Variants in IQCE observed in about 807,000 individuals in gnomAD.
IQCE encodes the protein IQ motif containing E, also known as IQ domain-containing protein E.
In IQCE, 115 loss-of-function variants were observed where a neutral mutation model predicts 96.0. The observed-to-expected ratio is 1.20, with a 90% CI of 1.03 to 1.40. The LOEUF (loss-of-function observed/expected upper bound fraction) is 1.40. Ranked by LOEUF, IQCE falls within the 40% of genes most tolerant of loss-of-function variation. The pLI, the probability that IQCE is intolerant of heterozygous loss-of-function variation, is 0.00. For synonymous variants in IQCE, 412 were observed against 371.2 expected (o/e 1.11, Z -1.26); for missense variants, 1,041 against 909.1 (o/e 1.15, Z -1.87).
chr7:2,604,140 G>A (rs879824090), intron 18 of IQCE, among the ~76,000 whole-genome samples: 138 of 139,126 alleles, frequency 9.9e-4, no homozygotes, highest in Middle Eastern at 7.3e-3. Flanking sequence ...AGGCATGCGC[G>A]CCACGTCTGG....
At chr7:2,582,255 TTAATA>T (rs1323563736) in intron 8 of IQCE, among the ~76,000 whole-genome samples, 1 of 152,106 alleles carries the variant, frequency 6.6e-6, no homozygotes, top group East Asian at 1.9e-4. Flanking sequence ...CTTCTTTTAT[TTAATA>T]TAATCAAGGG....
Position 2,610,124 on chromosome 7 carries a change from A to G in IQCE, c.2050A>G (p.Ile684Val). The G allele has an allele frequency of 6.2e-7, 1 of 1,612,922 alleles. No individual in the cohort carries two copies. Among genetic ancestry groups the G allele is most frequent in the Non-Finnish European group, 8.5e-7 (1 of 1,178,922 alleles). ...CTCCGATGATTCCGACGATATTGTCATTGCACCGTCTCTGCCCACGAAGAA... is the reference window on the plus strand; with the variant it reads ...CTCCGATGATTCCGACGATATTGTCGTTGCACCGTCTCTGCCCACGAAGAA... ...VNSDDSDDIV[I>V]APSLPTKNFP... The change falls in exon 22 of 22, where the codon ATT (isoleucine) becomes GTT (valine). Residue 684 changes from isoleucine to valine, a missense_variant. Coordinates refer to ENST00000402050, the MANE Select transcript of IQCE (RefSeq NM_152558.5).
chr7:2,588,440 G>A (rs1372174611), intron 13 of IQCE, among the ~76,000 whole-genome samples: 3 of 145,494 alleles, frequency 2.1e-5, no homozygotes, highest in South Asian at 2.2e-4. Flanking sequence ...GGCAACCTCC[G>A]CCTCCCGAGT....
At chr7:2,575,578 TGA>T (rs1491235109) in intron 6 of IQCE, among the ~76,000 whole-genome samples, 1 of 149,640 alleles carries the variant, frequency 6.7e-6, no homozygotes, top group Non-Finnish European at 1.5e-5. Context: ...CGGGCAAGGG[TGA>T]GTGTCTGGGC....
intron 1 of IQCE, 67 bp from the exon 2 acceptor site, chr7:2,567,049 T>G: frequency 7.0e-7 from 1 of 1,423,356 alleles, no homozygotes; most frequent in Non-Finnish European, 9.9e-7. Context: ...TTTTCGCTTT[T>G]GTAAACGTGA....
intron 9 of IQCE, 144 bp downstream of exon 9, chr7:2,582,794 A>G: frequency 3.1e-6 from 2 of 644,170 alleles, no homozygotes; most frequent in Admixed American, 2.8e-5. Flanking sequence ...CCTCTTTTTA[A>G]TTTTTTTATT....
chr7:2,578,605 T>C (rs1782401636), intron 8 of IQCE, 79 bp downstream of exon 8: 1 of 1,483,672 alleles, frequency 6.7e-7, no homozygotes, highest in Non-Finnish European at 9.4e-7. Flanking sequence ...CGCCTTTCCC[T>C]GCAGCACCCA....
At position 2,572,209 on chromosome 7, in the gene IQCE, C is replaced by CT. The variant is rs770526983; in HGVS notation, c.278dup (p.Asn94GlufsTer19). The CT allele has an allele frequency of 1.3e-5, 21 of 1,614,142 alleles. No homozygotes were observed. Among genetic ancestry groups the CT allele is most frequent in the Non-Finnish European group, 1.8e-5 (21 of 1,179,994 alleles). Reference sequence around the variant, plus strand: ...CAAACCAGGAAGTCTGACCCAGGCCCTGAACTCACCCCTCACCTGGGAGCA... The same window carrying CT: ...CAAACCAGGAAGTCTGACCCAGGCCCTTGAACTCACCCCTCACCTGGGAGCA... On this transcript the variant is annotated frameshift_variant, in exon 5 of 22. Coordinates refer to ENST00000402050, the MANE Select transcript of IQCE (RefSeq NM_152558.5). LOFTEE classifies it high-confidence loss of function.
rs1012010808 is a variant in IQCE, at chr7:2,611,717, G to A, written c.*1555G>A. 9 of 152,402 alleles carry A rather than the reference G, an allele frequency of 5.9e-5. No individual in the cohort carries two copies. The highest frequency in any genetic ancestry group is 1.7e-4 in the African/African-American group (7 of 41,584). 9.4% of individuals were successfully genotyped at this position (152,402 alleles called of 1,614,324 possible). The stretch of plus-strand genomic sequence containing the variant: ...AAGTGCAGGACCCGCCCCACCCTGC[G>A]GTTCGAAGCCTGGCCCCTGTCTCCA... On this transcript the variant is annotated 3_prime_UTR_variant, in exon 22 of 22. Coordinates refer to ENST00000402050, the MANE Select transcript of IQCE (RefSeq NM_152558.5).
intron 11 of IQCE, among the ~76,000 whole-genome samples, chr7:2,585,574 C>T (rs974820006): frequency 3.9e-5 from 6 of 152,236 alleles, no homozygotes; most frequent in African/African-American, 9.6e-5. Flanking sequence ...GGCAGCGTCA[C>T]GAGCAAACAG....
chr7:2,578,649 G>C (rs1041224734), intron 8 of IQCE, 123 bp downstream of exon 8: 2 of 1,067,994 alleles, frequency 1.9e-6, no homozygotes, highest in African/African-American at 3.1e-5. Context: ...GGGAGGCTGC[G>C]GACCCCCAAA....
intron 18 of IQCE, 22 bp from the exon 19 acceptor site, chr7:2,604,859 T>C (rs749598298): frequency 6.3e-7 from 1 of 1,597,948 alleles, no homozygotes; most frequent in Non-Finnish European, 8.6e-7. Flanking sequence ...CACTTTTCTC[T>C]CCCTGCTTCC....
At chr7:2,578,627 C>T in intron 8 of IQCE, 101 bp downstream of exon 8, 4 of 1,316,876 alleles carry the variant, frequency 3.0e-6, no homozygotes, top group Non-Finnish European at 4.4e-6. Context: ...GCGTGAAGAG[C>T]AGCAGGCAGG....
At position 2,600,011 on chromosome 7, in the gene IQCE, C is replaced by G. The variant is rs566382208; in HGVS notation, c.1608+1379C>G. 6.1e-4 allele frequency among the ~76,000 whole-genome samples: 93 copies of G among 152,148 alleles called. 1 individual carries two copies. In the Middle Eastern group the frequency reaches 0.01, roughly 17 times the overall value. On this transcript the variant is annotated intron_variant, in intron 17 of 21. Coordinates refer to ENST00000402050, the MANE Select transcript of IQCE (RefSeq NM_152558.5). The stretch of plus-strand genomic sequence containing the variant: ...GTTTCACCATGTTGTCCAGACTGGT[C>G]TTGAACTCCTGACCCCAGGTGATCC...
chr7:2,565,133 A>AGTGTGTGTGT (rs35495754), intron 1 of IQCE, among the ~76,000 whole-genome samples: 142 of 147,250 alleles, frequency 9.6e-4, no homozygotes, highest in Middle Eastern at 3.5e-3. Context: ...CATGTGTGTG[A>AGTGTGTGTGT]GTGTGTGTGT....
At chr7:2,564,933 A>T (rs1246814285) in intron 1 of IQCE, among the ~76,000 whole-genome samples, 1 of 152,224 alleles carries the variant, frequency 6.6e-6, no homozygotes, top group African/African-American at 2.4e-5. Context: ...AAACTGAGAC[A>T]GTTAATTTCA....
chr7:2,585,961 G>A (rs1395279542), intron 11 of IQCE, among the ~76,000 whole-genome samples: 2 of 152,190 alleles, frequency 1.3e-5, no homozygotes, highest in Admixed American at 6.5e-5. Context: ...AATACTGATG[G>A]TTGAACACGG....
intron 1 of IQCE, among the ~76,000 whole-genome samples, chr7:2,559,677 G>A (rs1780773792): frequency 1.4e-5 from 2 of 146,398 alleles, no homozygotes; most frequent in East Asian, 4.3e-4. Flanking sequence ...GTACTCCCCA[G>A]GGCGAGGGTG....
At chr7:2,574,790 C>T (rs1267377261) in intron 6 of IQCE, among the ~76,000 whole-genome samples, 1 of 152,216 alleles carries the variant, frequency 6.6e-6, no homozygotes, top group African/African-American at 2.4e-5. Context: ...CGTCTTCCCT[C>T]GTGAAGATCG....
Sources: gnomAD v4.1 joint callset for allele counts (sites outside exome capture counted in the v4.1 genomes callset) on GRCh38, gnomAD v4.1.1 for gene constraint, MANE v1.5 for transcripts, NCBI Gene and HGNC (gene_info 2026-07-23, HGNC 2026-07-21) for gene names.